ROBO2: variants seen among roughly 807,000 people sequenced by gnomAD.
The protein encoded by ROBO2 is roundabout homolog 2.
A neutral mutation model predicts 160.8 loss-of-function variants in ROBO2; 53 were observed. The observed-to-expected ratio is 0.33, with a 90% CI of 0.26 to 0.41. The LOEUF is 0.41. ROBO2 is among the 10% of genes least tolerant of loss of function. The pLI is 1.00. For synonymous variants in ROBO2, 664 were observed against 611.7 expected (o/e 1.09, Z -1.26); for missense variants, 1,577 against 1,722.4 (o/e 0.92, Z 1.49).
intron 2 of ROBO2, among the ~76,000 whole-genome samples, chr3:76,104,669 A>G (rs982320896): frequency 6.6e-6 from 1 of 152,186 alleles, no homozygotes; most frequent in East Asian, 1.9e-4. Context: ...GGAAAAGGAC[A>G]CTATCACACA....
chr3:76,456,418 G>A (rs1048244589), intron 2 of ROBO2, among the ~76,000 whole-genome samples: 1 of 152,068 alleles, frequency 6.6e-6, no homozygotes, highest in African/African-American at 2.4e-5. Flanking sequence ...TAAAGCTCAG[G>A]TTTCTCAAAC....
chr3:77,316,789 C>A (rs546930296), intron 2 of ROBO2: 213 of 1,274,358 alleles, frequency 1.7e-4, no homozygotes, highest in Non-Finnish European at 2.4e-4. Flanking sequence ...AAGCTTGTGG[C>A]CACCAGCCTT....
chr3:76,377,063 C>A (rs1300406113), intron 2 of ROBO2, among the ~76,000 whole-genome samples: 7 of 152,042 alleles, frequency 4.6e-5, no homozygotes, highest in Non-Finnish European at 4.4e-5. Flanking sequence ...CAAAGTAGGC[C>A]CGGGTTGGGC....
At chr3:77,563,783 A>G (rs945607865) in intron 11 of ROBO2, among the ~76,000 whole-genome samples, 3 of 152,170 alleles carry the variant, frequency 2.0e-5, no homozygotes, top group African/African-American at 4.8e-5. Flanking sequence ...ACCATATATT[A>G]CATACATCTA....
chr3:76,436,683 G>T (rs1431081399), intron 2 of ROBO2, among the ~76,000 whole-genome samples: 1 of 151,248 alleles, frequency 6.6e-6, no homozygotes, highest in Admixed American at 6.6e-5. Context: ...AACTTGAAAA[G>T]AAAAAAGAAA....
rs191433597 is a variant in ROBO2 at position 76,204,824 on chromosome 3, G to T, written c.109+267222G>T. Among the ~76,000 whole-genome samples, 69 of 152,256 alleles carry T rather than the reference G, an allele frequency of 4.5e-4. 1 individual carries two copies. Among genetic ancestry groups the T allele is most frequent in the Admixed American group, 4.1e-3 (63 of 15,286 alleles). On this transcript the variant is annotated intron_variant, in intron 2 of 26. Transcript: ENST00000487694. ...GGGAGCATATAAAGAAATGCTGAAA[G>T]ATGTTAAATAAAAACTGTATGAACA... is the stretch of plus-strand genomic sequence containing the variant.
intron 2 of ROBO2, among the ~76,000 whole-genome samples, chr3:77,103,461 A>G (rs535777394): frequency 6.6e-6 from 1 of 150,506 alleles, no homozygotes; most frequent in South Asian, 2.1e-4. Flanking sequence ...GAAACTTTTC[A>G]GATTAGCTGT....
intron 2 of ROBO2, among the ~76,000 whole-genome samples, chr3:75,952,814 A>G (rs1948596344): frequency 6.6e-6 from 1 of 151,794 alleles, no homozygotes; most frequent in South Asian, 2.1e-4. Flanking sequence ...CTCTCCTCCA[A>G]ATCCCTAATA....
intron 2 of ROBO2, among the ~76,000 whole-genome samples, chr3:77,290,358 C>T (rs1376141576): frequency 2.6e-4 from 19 of 72,784 alleles, no homozygotes; most frequent in East Asian, 9.4e-4. Context: ...GATGGTTAAA[C>T]GGGTAAGCTG....
chr3:76,607,648 T>C (rs746526826), intron 2 of ROBO2, among the ~76,000 whole-genome samples: 1 of 152,196 alleles, frequency 6.6e-6, no homozygotes, highest in African/African-American at 2.4e-5. Flanking sequence ...TGATTGGATG[T>C]TCTATGTGAC....
chr3:77,039,593 C>T (rs1290018883), upstream of ROBO2, among the ~76,000 whole-genome samples: 5 of 152,144 alleles, frequency 3.3e-5, no homozygotes, highest in Non-Finnish European at 7.4e-5. Flanking sequence ...GCCCGGTGGC[C>T]TCGGCCCTCG....
In ROBO2 at chr3:77,165,045, C is replaced by A. The variant is rs376623190; in HGVS notation, c.388+66705C>A. On this transcript the variant is annotated intron_variant, in intron 2 of 25. Coordinates refer to ENST00000461745, the Ensembl canonical transcript of ROBO2. ...GAGGAGCCCCTCTGCCCGGCCACCA[C>A]CCCGTCTGGGAGGTGTGCCCAACGG... 5.4e-4 allele frequency among the ~76,000 whole-genome samples: 82 copies of A among 152,142 alleles called. 1 individual carries two copies. In the South Asian group the frequency reaches 0.017, roughly 31 times the overall value.
At chr3:77,287,510 C>A (rs1305490899) in intron 2 of ROBO2, among the ~76,000 whole-genome samples, 1 of 152,094 alleles carries the variant, frequency 6.6e-6, no homozygotes, top group African/African-American at 2.4e-5. Flanking sequence ...ATTTATTTTC[C>A]TTCCTCAAAT....
chr3:76,644,484 C>T (rs536085792), intron 2 of ROBO2, among the ~76,000 whole-genome samples: 15 of 152,138 alleles, frequency 9.9e-5, no homozygotes, highest in African/African-American at 3.6e-4. Flanking sequence ...TTCAGTGTAC[C>T]TTGCCCTCCA....
At chr3:76,840,469 G>A (rs997243114) in intron 2 of ROBO2, among the ~76,000 whole-genome samples, 1 of 151,368 alleles carries the variant, frequency 6.6e-6, no homozygotes, top group African/African-American at 2.4e-5. Flanking sequence ...AAATAGCTGG[G>A]TGTGGTGGCA....
chr3:76,037,044 A>C (rs2067132816), intron 2 of ROBO2, among the ~76,000 whole-genome samples: 1 of 151,878 alleles, frequency 6.6e-6, no homozygotes, highest in South Asian at 2.1e-4. Context: ...CCTATTTGTC[A>C]GTGAGATTTT....
At chr3:77,583,903 A>G (rs2093978812) in intron 16 of ROBO2, among the ~76,000 whole-genome samples, 1 of 152,138 alleles carries the variant, frequency 6.6e-6, no homozygotes, top group Non-Finnish European at 1.5e-5. Flanking sequence ...CTTATTCTCA[A>G]GACAAAACCT....
chr3:77,602,668 C>T (rs1187750656), intron 20 of ROBO2, among the ~76,000 whole-genome samples, 177 bp downstream of exon 21: 1 of 144,896 alleles, frequency 6.9e-6, no homozygotes, highest in Non-Finnish European at 1.5e-5. Context: ...ACCGCCACCA[C>T]CACCACCACC....
intron 2 of ROBO2, among the ~76,000 whole-genome samples, chr3:76,731,365 T>C (rs1179981817): frequency 6.6e-6 from 1 of 152,218 alleles, no homozygotes; most frequent in Non-Finnish European, 1.5e-5. Context: ...ATTGTTGTTG[T>C]AGGATTTTAA....
Sources: gnomAD v4.1 joint callset for allele counts (sites outside exome capture counted in the v4.1 genomes callset) on GRCh38, gnomAD v4.1.1 for gene constraint, MANE v1.5 for transcripts, NCBI Gene and HGNC (gene_info 2026-07-23, HGNC 2026-07-21) for gene names.